CNIH4: variants seen among roughly 807,000 people sequenced by gnomAD.
CNIH4 encodes the protein cornichon family member 4, also known as protein cornichon homolog 4.
A neutral mutation model predicts 21.5 loss-of-function variants in CNIH4; 9 were observed. The observed-to-expected ratio is 0.42, with a 90% CI of 0.25 to 0.73. CNIH4 has a LOEUF of 0.73. CNIH4 is among the 30% of genes least tolerant of loss of function. The pLI is 0.27. For missense variants in CNIH4, 159 were observed against 170.0 expected, an observed-to-expected ratio of 0.94 and a Z score of 0.36; for synonymous variants, 67 against 59.1, an observed-to-expected ratio of 1.13 and a Z score of -0.61.
intron 4 of CNIH4, among the ~76,000 whole-genome samples, chr1:224,372,728 G>A (rs992382317): frequency 2.6e-5 from 4 of 151,436 alleles, no homozygotes; most frequent in Admixed American, 2.6e-4. Context: ...GACTACAGGT[G>A]CGTGCCACCA....
At position 224,356,932 on chromosome 1, in the gene CNIH4, C is replaced by A. The variant is rs12123896; in HGVS notation, c.8C>A (p.Ala3Glu). The A allele has an allele frequency of 6.2e-7, 1 of 1,609,854 alleles. No individual in the cohort carries two copies. The highest frequency in any genetic ancestry group is 8.5e-7 in the Non-Finnish European group (1 of 1,178,162). Residue 3 changes from alanine to glutamate, a missense_variant, in exon 1 of 5, where the codon GCG (alanine) becomes GAG (glutamate). By Grantham distance (107) the Ala-to-Glu change is moderately radical. Coordinates refer to ENST00000465271, the MANE Select transcript of CNIH4 (RefSeq NM_014184.4). ME[A>E]VVFVFSLLDC... Reference sequence around the variant, plus strand: ...CGGCGACGGAGGAGGAGGATGGAGGCGGTGGTGTTCGTCTTCTCTCTCCTC... The same window carrying A: ...CGGCGACGGAGGAGGAGGATGGAGGAGGTGGTGTTCGTCTTCTCTCTCCTC...
intron 4 of CNIH4, among the ~76,000 whole-genome samples, chr1:224,372,801 C>G (rs927398053): frequency 1.3e-5 from 2 of 150,422 alleles, no homozygotes; most frequent in African/African-American, 2.5e-5. Context: ...AGGATGGTCT[C>G]AATCTCCTGA....
chr1:224,374,634 C>A (rs1285808116), intron 4 of CNIH4, among the ~76,000 whole-genome samples: 1 of 149,678 alleles, frequency 6.7e-6, no homozygotes, highest in African/African-American at 2.5e-5. Flanking sequence ...AGGTGATCCA[C>A]CCACCTCGGC....
In CNIH4 at chr1:224,368,148, G is replaced by A. The variant is rs554891545; in HGVS notation, c.251+2157G>A. Among the ~76,000 whole-genome samples, 45 of 152,100 alleles carry A rather than the reference G, an allele frequency of 3.0e-4. 1 individual carries two copies. Among genetic ancestry groups the A allele is most frequent in the Middle Eastern group, 3.2e-3 (1 of 316 alleles). On this transcript the variant is annotated intron_variant, in intron 3 of 4. Coordinates refer to ENST00000465271, the MANE Select transcript of CNIH4 (RefSeq NM_014184.4). ...GAGTTCGAGACCAGCCCTGGCTAAC[G>A]TGGAGAAACTGCATCTCTACTAAAA...
intron 4 of CNIH4, among the ~76,000 whole-genome samples, chr1:224,373,945 A>G (rs1006188117): frequency 3.9e-5 from 6 of 152,230 alleles, no homozygotes; most frequent in South Asian, 2.1e-4. Context: ...AACTCATGTA[A>G]CTGGTTTGCC....
intron 4 of CNIH4, among the ~76,000 whole-genome samples, chr1:224,372,712 A>G (rs1341746498): frequency 6.6e-6 from 1 of 151,350 alleles, no homozygotes. Flanking sequence ...CCTCCCAAGT[A>G]GCTGGGACTA....
At chr1:224,361,282 T>A (rs1050212080) in intron 2 of CNIH4, among the ~76,000 whole-genome samples, 3 of 151,546 alleles carry the variant, frequency 2.0e-5, no homozygotes, top group Non-Finnish European at 2.9e-5. Context: ...ACCTGGCTAA[T>A]TTTTTTTGTA....
At chr1:224,375,182 A>G (rs540277398) in intron 4 of CNIH4, among the ~76,000 whole-genome samples, 2 of 152,338 alleles carry the variant, frequency 1.3e-5, no homozygotes, top group African/African-American at 2.4e-5. Context: ...GGTTGCTAGT[A>G]GAACATGAAA....
intron 4 of CNIH4, 88 bp downstream of exon 4, chr1:224,371,511 A>T: frequency 7.7e-7 from 1 of 1,300,710 alleles, no homozygotes; most frequent in South Asian, 1.4e-5. Flanking sequence ...TTGCATTGAC[A>T]TTGTGGAACT....
At chr1:224,367,567 C>T (rs1672500445) in intron 3 of CNIH4, among the ~76,000 whole-genome samples, 1 of 149,768 alleles carries the variant, frequency 6.7e-6, no homozygotes, top group Non-Finnish European at 1.5e-5. Flanking sequence ...CTGTGTTGCT[C>T]AGGCTGGAAT....
At chr1:224,366,093 G>A (rs536390158) in intron 3 of CNIH4, 102 bp downstream of exon 3, 2 of 748,658 alleles carry the variant, frequency 2.7e-6, no homozygotes, top group Non-Finnish European at 4.8e-6. Context: ...CCAGGCTGGA[G>A]TGCAGTGGTG....
At chr1:224,356,833 C>A (rs950592791), upstream of CNIH4, 7 of 1,090,570 alleles carry the variant, frequency 6.4e-6, no homozygotes, top group Non-Finnish European at 9.6e-6. Flanking sequence ...GAGGACCACA[C>A]GCCTCAGCCA....
chr1:224,374,826 C>A (rs894416363), intron 4 of CNIH4, among the ~76,000 whole-genome samples: 6 of 152,164 alleles, frequency 3.9e-5, no homozygotes, highest in Non-Finnish European at 7.4e-5. Context: ...TTATGCTGAC[C>A]CATAGTAAAC....
chr1:224,369,090 C>G (rs917966511), intron 3 of CNIH4, among the ~76,000 whole-genome samples: 2 of 152,080 alleles, frequency 1.3e-5, no homozygotes, highest in South Asian at 2.1e-4. Context: ...CTACTTTTAT[C>G]CAAATTGTGC....
chr1:224,359,255 G>T (rs973885240), intron 1 of CNIH4, among the ~76,000 whole-genome samples: 1 of 152,100 alleles, frequency 6.6e-6, no homozygotes, highest in Non-Finnish European at 1.5e-5. Context: ...TTTTATTTTC[G>T]GTAGTTTATT....
chr1:224,376,227 G>C lies in CNIH4; in HGVS notation c.*405G>C, dbSNP rs1672777157. ...AGTTAGAGTACAAAACAACACTGTT[G>C]ATCTGGACAAAAGAAGAAAAATTAC... On this transcript the variant is annotated 3_prime_UTR_variant, in exon 5 of 5. Coordinates refer to ENST00000465271, the MANE Select transcript of CNIH4 (RefSeq NM_014184.4). 1 of 993,430 alleles carries C rather than the reference G, an allele frequency of 1.0e-6. No individual in the cohort carries two copies. Among genetic ancestry groups the C allele is most frequent in the Non-Finnish European group, 1.2e-6 (1 of 835,504 alleles). 61.5% of individuals were successfully genotyped at this position (993,430 alleles called of 1,614,324 possible).
At chr1:224,361,875 G>T (rs939631383) in intron 2 of CNIH4, among the ~76,000 whole-genome samples, 2 of 152,186 alleles carry the variant, frequency 1.3e-5, no homozygotes, top group African/African-American at 2.4e-5. Context: ...GTGAGCCACT[G>T]CGCCCAGCCT....
intron 1 of CNIH4, among the ~76,000 whole-genome samples, chr1:224,359,782 C>T (rs1279626199): frequency 6.6e-6 from 1 of 152,112 alleles, no homozygotes. Context: ...AACGTGAATC[C>T]TGGGCTCTAG....
At chr1:224,370,179 G>C (rs1435568961) in intron 3 of CNIH4, among the ~76,000 whole-genome samples, 1 of 152,158 alleles carries the variant, frequency 6.6e-6, no homozygotes, top group East Asian at 1.9e-4. Flanking sequence ...GAGGAAGAGA[G>C]AAGTCCCAGT....
Sources: allele counts gnomAD v4.1 joint callset (sites outside exome capture counted in the v4.1 genomes callset), GRCh38; gene constraint gnomAD v4.1.1; transcripts MANE v1.5; gene names NCBI Gene and HGNC (gene_info 2026-07-23, HGNC 2026-07-21).